Variants in TMC6 observed in about 807,000 individuals in gnomAD.
The protein encoded by TMC6 is transmembrane channel-like protein 6.
In TMC6, 71 loss-of-function variants were observed where a neutral mutation model predicts 95.4. The ratio of observed to expected loss-of-function variants is 0.74; its 90% CI spans 0.61 to 0.91. The LOEUF (loss-of-function observed/expected upper bound fraction) is 0.91. Among genes scored for constraint, TMC6 ranks in the 40% least tolerant of loss-of-function variants. TMC6 has a pLI of 0.00. For missense variants in TMC6, 1,074 were observed against 1,079.1 expected (o/e 1.00, Z 0.07); for synonymous variants, 514 against 483.1 (o/e 1.06, Z -0.84).
intron 18 of TMC6, 120 bp downstream of exon 18, chr17:78,117,149 G>T: frequency 9.3e-7 from 1 of 1,074,350 alleles, no homozygotes; most frequent in Non-Finnish European, 1.4e-6. Flanking sequence ...CACTTGTTTG[G>T]CAAACAAACC....
rs2073844218 is a variant in TMC6 at position 78,112,283 on chromosome 17, C to T, written c.*865G>A. The T allele has an allele frequency of 3.7e-6, 1 of 268,970 alleles. No individual in the cohort carries two copies. Among genetic ancestry groups the T allele is most frequent in the Admixed American group, 5.4e-5 (1 of 18,624 alleles). The allele number at this position is 268,970 out of a possible 1,614,324, so 16.7% of individuals were successfully genotyped here. A position where few individuals can be genotyped will look rare whatever the true frequency, so the allele number is the denominator to read the frequency against. ...CTGGGCTGTGATGGGCTGGTCCCCG[C>T]AGACCTGGAGCCCTGGGCTGTCATG... On this transcript the variant is annotated 3_prime_UTR_variant, in exon 20 of 20. Coordinates refer to ENST00000590602, the MANE Select transcript of TMC6 (RefSeq NM_001127198.5).
Position 78,117,627 on chromosome 17 carries a change from G to T in TMC6, c.2039C>A (p.Thr680Asn). ...GTCCAGGGTCCGGAAGGGGCCGCAG[G>T]TGCTCGAGGGCTTCACCCTGGGGAA... is the stretch of plus-strand genomic sequence containing the variant. ...YAVWQVKPSS[T>N]CGPFRTLDTM... Residue 680 changes from threonine to asparagine, a missense_variant, in exon 17 of 20, where the codon ACC becomes AAC. Coordinates refer to ENST00000590602, the MANE Select transcript of TMC6 (RefSeq NM_001127198.5). 1 of 1,573,240 alleles carries T rather than the reference G, an allele frequency of 6.4e-7. No homozygotes were observed. The highest frequency in any genetic ancestry group is 1.2e-5 in the South Asian group (1 of 86,562).
intron 6 of TMC6, 52 bp from the exon 7 acceptor site, chr17:78,125,037 C>T: frequency 1.3e-6 from 2 of 1,546,410 alleles, no homozygotes; most frequent in Non-Finnish European, 8.7e-7. Context: ...GCCTGACTCT[C>T]TCCTTCCTGG....
rs924728684 is a variant in TMC6, at chr17:78,112,378, C to T, written c.*770G>A. On this transcript the variant is annotated 3_prime_UTR_variant, in exon 20 of 20. Transcript: ENST00000590602. ...TCCCCGAATCCCTGTGCCCACCCCCCACAGCCTACGGTTTTCGGTATCCCA... is the reference window on the plus strand; with the variant it reads ...TCCCCGAATCCCTGTGCCCACCCCCTACAGCCTACGGTTTTCGGTATCCCA... The T allele has an allele frequency of 2.6e-5, 5 of 191,502 alleles. No homozygotes were observed. The East Asian group carries it at 7.2e-4, about 28-fold the overall frequency. The allele number at this position is 191,502 out of a possible 1,614,324, so 11.9% of individuals were successfully genotyped here.
In TMC6 at chr17:78,113,147, C is replaced by G; in HGVS notation, c.*1G>C. 6.4e-7 allele frequency: 1 copy of G among 1,553,960 alleles called. No individual in the cohort carries two copies. Among genetic ancestry groups the G allele is most frequent in the South Asian group, 1.2e-5 (1 of 84,218 alleles). The stretch of plus-strand genomic sequence containing the variant: ...GGCCCGTGAGGCCCATCGCCGTCCC[C>G]CTAGGCATCCTGTTCATCTGTGAGC... On this transcript the variant is annotated 3_prime_UTR_variant, in exon 20 of 20. Coordinates refer to ENST00000590602, the MANE Select transcript of TMC6 (RefSeq NM_001127198.5).
chr17:78,120,828 G>A lies in TMC6; in HGVS notation c.1540C>T (p.Leu514Phe). 6.2e-7 allele frequency: 1 copy of A among 1,612,194 alleles called. No individual in the cohort carries two copies. The highest frequency in any genetic ancestry group is 8.5e-7 in the Non-Finnish European group (1 of 1,178,918). Reference protein sequence around the residue: ...LEVYVAICRNLILKLAILGTL... With the variant: ...LEVYVAICRNFILKLAILGTL... ...CCCAGGATGGCCAGCTTGAGGATGA[G>A]GTTCCTGCGGAGGGCGGGGTGCAAA... Residue 514 changes from leucine to phenylalanine, a missense_variant, in exon 13 of 20, where the codon CTC (leucine) becomes TTC (phenylalanine). Coordinates refer to ENST00000590602, the MANE Select transcript of TMC6 (RefSeq NM_001127198.5).
At chr17:78,131,825 G>C, upstream of TMC6, 1 of 1,494,120 alleles carries the variant, frequency 6.7e-7, no homozygotes, top group Admixed American at 2.1e-5. Flanking sequence ...CCGTCTGCTT[G>C]GCCCGGGTGG....
In TMC6 at chr17:78,109,224, G is replaced by A; in HGVS notation, c.*3924C>T. 2.9e-6 allele frequency: 1 copy of A among 345,242 alleles called. No individual in the cohort carries two copies. Among genetic ancestry groups the A allele is most frequent in the African/African-American group, 2.1e-5 (1 of 46,614 alleles). The allele number at this position is 345,242 out of a possible 1,614,324, so 21.4% of individuals were successfully genotyped here. A position where few individuals can be genotyped will look rare whatever the true frequency, so the allele number is the denominator to read the frequency against. On this transcript the variant is annotated 3_prime_UTR_variant, in exon 20 of 20. Coordinates refer to ENST00000590602, the MANE Select transcript of TMC6 (RefSeq NM_001127198.5). ...GGCGTGCCAAGAAGGCTGTTCCAATGGGGGAGAAGCCAGCAGACACAGAGG... is the reference window on the plus strand; with the variant it reads ...GGCGTGCCAAGAAGGCTGTTCCAATAGGGGAGAAGCCAGCAGACACAGAGG...
chr17:78,127,808 G>A (rs966099697), intron 1 of TMC6, among the ~76,000 whole-genome samples: 19 of 152,278 alleles, frequency 1.2e-4, no homozygotes, highest in African/African-American at 4.6e-4. Context: ...TTGCAGGGGT[G>A]CCAGTCACAG....
chr17:78,121,759 A>G lies in TMC6; in HGVS notation c.1228-48T>C, dbSNP rs1298053605. ...GTCACCCACACCAGAGCACGGGCAC[A>G]CGCAGACGTGCAGACACAGCACAAC... is the stretch of plus-strand genomic sequence containing the variant. On this transcript the variant is annotated intron_variant, in intron 10 of 19. Coordinates refer to ENST00000590602, the MANE Select transcript of TMC6 (RefSeq NM_001127198.5). This position sits in a 1 kb window ranked among gnomAD's most constrained non-coding sequence, Gnocchi z 5.6. The G allele has an allele frequency of 1.3e-6, 2 of 1,536,232 alleles. No individual in the cohort carries two copies. The highest frequency in any genetic ancestry group is 2.0e-5 in the Admixed American group (1 of 50,920).
chr17:78,115,445 GC>G (rs1257216443), intron 18 of TMC6, among the ~76,000 whole-genome samples: 1 of 152,170 alleles, frequency 6.6e-6, no homozygotes. Flanking sequence ...GGAGGGCAGA[GC>G]CCAGCAGCAG....
intron 5 of TMC6, 138 bp downstream of exon 5, chr17:78,125,588 C>T (rs995401344): frequency 1.2e-5 from 16 of 1,353,122 alleles, no homozygotes; most frequent in Non-Finnish European, 1.4e-5. Context: ...ACGGGGGGGC[C>T]TTCAGGCAGC....
upstream of TMC6, among the ~76,000 whole-genome samples, chr17:78,129,103 C>T (rs554856351): frequency 7.9e-6 from 1 of 126,630 alleles, no homozygotes; most frequent in Admixed American, 7.7e-5. This position sits in a 1 kb window ranked among gnomAD's most constrained non-coding sequence, Gnocchi z 4.3. Flanking sequence ...TATCTCACTC[C>T]AGATTGGGCA....
At chr17:78,113,823 G>T (rs1331376484) in intron 18 of TMC6, 199 bp from the exon 19 acceptor site, 8 of 617,482 alleles carry the variant, frequency 1.3e-5, no homozygotes, top group East Asian at 1.2e-4. Flanking sequence ...CGTATGTGTG[G>T]ATCTAAGCTT....
chr17:78,126,678 C>A, intron 2 of TMC6, 30 bp from the exon 3 acceptor site: 1 of 1,612,360 alleles, frequency 6.2e-7, no homozygotes, highest in Non-Finnish European at 8.5e-7. Context: ...GGGGGTCAGG[C>A]TCCAGCCACC....
upstream of TMC6, among the ~76,000 whole-genome samples, chr17:78,130,200 G>C (rs1187741812): frequency 6.6e-6 from 1 of 152,324 alleles, no homozygotes; most frequent in South Asian, 2.1e-4. Flanking sequence ...TGCTAGGCCT[G>C]GGTCTTGGCA....
rs1232207752 is a variant in TMC6 at position 78,122,442 on chromosome 17, T to C, written c.1227+163A>G. ...CAGAGAAAAACTCAGGGCCTGCCCG[T>C]CACTGCAAGCAGAAGACCACGCCTG... On this transcript the variant is annotated intron_variant, in intron 10 of 19. Coordinates refer to ENST00000590602, the MANE Select transcript of TMC6 (RefSeq NM_001127198.5). This position sits in a 1 kb window ranked among gnomAD's most constrained non-coding sequence, Gnocchi z 4.9. 7.1e-5 allele frequency: 73 copies of C among 1,034,386 alleles called. No homozygotes were observed. The highest frequency in any genetic ancestry group is 9.6e-5 in the Non-Finnish European group (70 of 725,458). The allele number at this position is 1,034,386 out of a possible 1,614,324, so 64.1% of individuals were successfully genotyped here.
At chr17:78,131,926 G>A (rs779428022), upstream of TMC6, 4 of 1,501,558 alleles carry the variant, frequency 2.7e-6, no homozygotes, top group East Asian at 2.5e-5. Flanking sequence ...CGCTGGCAGC[G>A]GTGGCAGCGC....
upstream of TMC6, among the ~76,000 whole-genome samples, chr17:78,129,669 G>A (rs779707475): frequency 2.6e-5 from 4 of 152,154 alleles, no homozygotes; most frequent in Non-Finnish European, 4.4e-5. This position sits in a 1 kb window ranked among gnomAD's most constrained non-coding sequence, Gnocchi z 4.3. Context: ...GGTCAAGGCT[G>A]GGGCCTTTTG....
Sources: allele counts gnomAD v4.1 joint callset (sites outside exome capture counted in the v4.1 genomes callset), GRCh38; gene constraint gnomAD v4.1.1; non-coding constraint Gnocchi (gnomAD v3.1); transcripts MANE v1.5; gene names NCBI Gene and HGNC (gene_info 2026-07-23, HGNC 2026-07-21).